Variants in IQCH observed in about 807,000 individuals in gnomAD.
IQCH encodes IQ motif containing H, also known as IQ domain-containing protein H.
In IQCH, 98 loss-of-function variants were observed where a neutral mutation model predicts 117.0. The ratio of observed to expected loss-of-function variants is 0.84; its 90% CI spans 0.71 to 0.99. The LOEUF (loss-of-function observed/expected upper bound fraction) is 0.99. IQCH is among the 50% of genes least tolerant of loss of function. The probability of loss-of-function intolerance (pLI) is 0.00; values close to 1 mark genes in which losing one functional copy is unlikely to be tolerated. For synonymous variants in IQCH, 412 were observed against 448.2 expected (o/e 0.92, Z 1.02); for missense variants, 1,102 against 1,243.8 (o/e 0.89, Z 1.72).
At chr15:67,394,458 C>A (rs1358096242) in intron 12 of IQCH, among the ~76,000 whole-genome samples, 1 of 152,130 alleles carries the variant, frequency 6.6e-6, no homozygotes. Flanking sequence ...CTCGGCAGAT[C>A]CTTATGGCCC....
intron 4 of IQCH, among the ~76,000 whole-genome samples, chr15:67,311,748 G>T (rs943784224): frequency 6.6e-6 from 1 of 151,806 alleles, no homozygotes; most frequent in African/African-American, 2.4e-5. Flanking sequence ...TCTATTTAAG[G>T]TTGCATTTGA....
At chr15:67,336,895 CTT>C (rs1968916060) in intron 4 of IQCH, 78 bp from the exon 5 acceptor site, 1 of 1,401,354 alleles carries the variant, frequency 7.1e-7, no homozygotes, top group Non-Finnish European at 9.9e-7. Flanking sequence ...CTATTCATAA[CTT>C]TATTTATTGT....
chr15:67,442,817 GAGATAGATAGAT>G (rs201394285), intron 16 of IQCH, among the ~76,000 whole-genome samples: 2,819 of 138,176 alleles, frequency 0.02, 91 homozygotes, highest in African/African-American at 0.062. Flanking sequence ...AAGAAACTGT[GAGATAGATAGAT>G]AGATAGATAG....
rs542251668 is a variant in IQCH at position 67,365,099 on chromosome 15, G to A, written c.753+5214G>A. Among the ~76,000 whole-genome samples, 5 of 152,100 alleles carry A rather than the reference G, an allele frequency of 3.3e-5. No homozygotes were observed. The highest frequency in any genetic ancestry group is 2.1e-4 in the South Asian group (1 of 4,804). The stretch of plus-strand genomic sequence containing the variant: ...TGGGACTACAGGCATATGCCACCAC[G>A]CCCAGCTAATTTTTCTGGCATTTCT... On this transcript the variant is annotated intron_variant, in intron 8 of 20. Transcript: ENST00000335894. This position sits in a 1 kb window ranked among gnomAD's most constrained non-coding sequence, Gnocchi z 4.4.
At chr15:67,348,766 T>C (rs1405459458) in intron 6 of IQCH, among the ~76,000 whole-genome samples, 1 of 152,206 alleles carries the variant, frequency 6.6e-6, no homozygotes, top group Non-Finnish European at 1.5e-5. Flanking sequence ...GAAAAGCTGA[T>C]TCTAAAGTTT....
In IQCH at chr15:67,391,393, G is replaced by A. The variant is rs1971280144; in HGVS notation, c.1632+2387G>A. 1.3e-5 allele frequency among the ~76,000 whole-genome samples: 2 copies of A among 152,220 alleles called. No homozygotes were observed. Among genetic ancestry groups the A allele is most frequent in the South Asian group, 2.1e-4 (1 of 4,824 alleles). On this transcript the variant is annotated intron_variant, in intron 12 of 20. Transcript: ENST00000335894. The surrounding 1 kb of genome is among the most constrained non-coding windows in gnomAD (Gnocchi z 4.3). ...GGGTTTGAGAGATTGTATCAGTGCT[G>A]ATTTTCATTTAAATGGATGGCTATG... is the stretch of plus-strand genomic sequence containing the variant.
At position 67,424,113 on chromosome 15, in the gene IQCH, A is replaced by G. The variant is rs544608081; in HGVS notation, c.2505+2536A>G. On this transcript the variant is annotated intron_variant, in intron 16 of 20. Coordinates refer to ENST00000335894, the MANE Select transcript of IQCH (RefSeq NM_001031715.3). The surrounding 1 kb of genome is among the most constrained non-coding windows in gnomAD (Gnocchi z 4.9). ...TCCCACCCTTCACTTGGCTGGTTCC[A>G]TGTACCTGGCCAGTCTTGTCTCACC... Among the ~76,000 whole-genome samples, 4 of 152,118 alleles carry G rather than the reference A, an allele frequency of 2.6e-5. No homozygotes were observed. Among genetic ancestry groups the G allele is most frequent in the Non-Finnish European group, 4.4e-5 (3 of 68,020 alleles).
chr15:67,307,031 A>G (rs1417719470), intron 4 of IQCH: 3 of 1,331,866 alleles, frequency 2.3e-6, no homozygotes, highest in Non-Finnish European at 2.9e-6. Flanking sequence ...TAAAAGAACA[A>G]TTATGAATGC....
At chr15:67,303,411 G>A (rs576735291) in intron 4 of IQCH, among the ~76,000 whole-genome samples, 1 of 152,098 alleles carries the variant, frequency 6.6e-6, no homozygotes, top group East Asian at 1.9e-4. Flanking sequence ...CACTTTAAAG[G>A]GGTGAATTTT....
At chr15:67,492,259 TA>T (rs1753683820) in intron 19 of IQCH, among the ~76,000 whole-genome samples, 1 of 152,180 alleles carries the variant, frequency 6.6e-6, no homozygotes, top group African/African-American at 2.4e-5. Context: ...ATGGGTTAGT[TA>T]GGTACAAAGA....
intron 4 of IQCH, among the ~76,000 whole-genome samples, chr15:67,330,599 G>A (rs1426488863): frequency 1.3e-5 from 2 of 152,094 alleles, no homozygotes; most frequent in Admixed American, 1.3e-4. Context: ...ATAGGGTAGA[G>A]CCGGTGACCT....
At chr15:67,284,631 A>G (rs187983925) in intron 4 of IQCH, among the ~76,000 whole-genome samples, 75 of 152,152 alleles carry the variant, frequency 4.9e-4, no homozygotes, top group African/African-American at 1.8e-3. Flanking sequence ...TCCCTCCAAT[A>G]GGACCCAGTG....
chr15:67,442,218 C>G (rs1316796177), intron 16 of IQCH, among the ~76,000 whole-genome samples: 1 of 151,692 alleles, frequency 6.6e-6, no homozygotes, highest in Non-Finnish European at 1.5e-5. Flanking sequence ...GGAGACCAGC[C>G]TGACCGACAT....
chr15:67,495,700 C>T (rs1166074639), intron 20 of IQCH, among the ~76,000 whole-genome samples: 1 of 152,172 alleles, frequency 6.6e-6, no homozygotes, highest in African/African-American at 2.4e-5. Context: ...GAGTCAACCA[C>T]CTTTGACAAA....
intron 4 of IQCH, among the ~76,000 whole-genome samples, chr15:67,285,288 C>T (rs778093594): frequency 1.4e-5 from 2 of 141,472 alleles, no homozygotes; most frequent in Non-Finnish European, 3.1e-5. Context: ...GTCCTTTGCC[C>T]ACTTTTTAAT....
At position 67,372,491 on chromosome 15, in the gene IQCH, C is replaced by G. The variant is rs907560107; in HGVS notation, c.1134C>G (p.Ala378=). ...CGGAGGCCGCCATGAAGATCCAAGC[C>G]ACATGGAAATGCTACAAAGCAAGAA... ...GNSEAAMKIQ[A]TWKCYKARKF... The change falls in exon 9 of 21, where the codon GCC becomes GCG. Residue 378 remains alanine (A), a synonymous_variant. Transcript: ENST00000335894. 1 of 1,614,026 alleles carries G rather than the reference C, an allele frequency of 6.2e-7. No individual in the cohort carries two copies. The highest frequency in any genetic ancestry group is 8.5e-7 in the Non-Finnish European group (1 of 1,180,000).
At position 67,426,721 on chromosome 15, in the gene IQCH, C is replaced by G. The variant is rs1236018086; in HGVS notation, c.2505+5144C>G. 6.6e-6 allele frequency among the ~76,000 whole-genome samples: 1 copy of G among 152,022 alleles called. No homozygotes were observed. Among genetic ancestry groups the G allele is most frequent in the Non-Finnish European group, 1.5e-5 (1 of 68,022 alleles). On this transcript the variant is annotated intron_variant, in intron 16 of 20. Transcript: ENST00000335894. The surrounding 1 kb of genome is among the most constrained non-coding windows in gnomAD (Gnocchi z 5.1). ...AGATGTGGTGGCTCATGCCTGTAAT[C>G]CCAGCACTTTGGGAGGCTGAGGCAG...
At chr15:67,303,746 A>C (rs12594229) in intron 4 of IQCH, among the ~76,000 whole-genome samples, 31,587 of 152,148 alleles carry the variant, frequency 0.21, 4,036 homozygotes, top group East Asian at 0.47. Context: ...CATGTCAACA[A>C]TAACTAATTT....
intron 14 of IQCH, among the ~76,000 whole-genome samples, chr15:67,414,663 A>ATAT (rs1334558004): frequency 1.0e-4 from 15 of 146,320 alleles, no homozygotes; most frequent in Non-Finnish European, 2.3e-4. Flanking sequence ...CCAAAAAAAA[A>ATAT]ATATATATAT....
Sources: allele counts gnomAD v4.1 joint callset (sites outside exome capture counted in the v4.1 genomes callset), GRCh38; gene constraint gnomAD v4.1.1; non-coding constraint Gnocchi (gnomAD v3.1); transcripts MANE v1.5; gene names NCBI Gene and HGNC (gene_info 2026-07-23, HGNC 2026-07-21).